ZFHX3: variants seen among roughly 807,000 people sequenced by gnomAD.
The protein encoded by ZFHX3 is zinc finger homeobox 3, also known as zinc finger homeobox protein 3.
ZFHX3 carries 42 observed loss-of-function variants against 279.1 expected under a neutral mutation model. The ratio of observed to expected loss-of-function variants is 0.15; its 90% CI spans 0.12 to 0.19. The LOEUF (loss-of-function observed/expected upper bound fraction) is 0.19. Ranked by LOEUF, ZFHX3 falls within the 10% of genes least tolerant of loss-of-function variation. The pLI, the probability that ZFHX3 is intolerant of heterozygous loss-of-function variation, is 1.00. For synonymous variants in ZFHX3, 2,293 were observed against 1,957.8 expected (o/e 1.17, Z -4.52); for missense variants, 4,981 against 4,754.0 (o/e 1.05, Z -1.40).
chr16:73,654,854 C>CTTTTTTTTT (rs1382941693), intron 2 of ZFHX3, among the ~76,000 whole-genome samples: 2 of 64,124 alleles, frequency 3.1e-5, no homozygotes, highest in African/African-American at 7.0e-5. Flanking sequence ...ATAGTAATCA[C>CTTTTTTTTT]TTTTTTTTTT....
chr16:73,335,771 C>G (rs2015900824), intron 3 of ZFHX3, among the ~76,000 whole-genome samples: 1 of 152,176 alleles, frequency 6.6e-6, no homozygotes, highest in Admixed American at 6.5e-5. Flanking sequence ...CACAGAGTCC[C>G]ACTGCCTTCA....
At chr16:73,264,969 T>C (rs2013927777) in intron 4 of ZFHX3, among the ~76,000 whole-genome samples, 1 of 150,874 alleles carries the variant, frequency 6.6e-6, no homozygotes, top group South Asian at 2.1e-4. Flanking sequence ...TGTGTATATA[T>C]GTGTATATAT....
At chr16:73,682,656 A>G (rs529927438) in intron 1 of ZFHX3, among the ~76,000 whole-genome samples, 1 of 151,746 alleles carries the variant, frequency 6.6e-6, no homozygotes, top group African/African-American at 2.4e-5. Flanking sequence ...TCATGGTGGC[A>G]TGCACCTGTA....
chr16:73,338,576 C>T (rs1480136414), intron 3 of ZFHX3, among the ~76,000 whole-genome samples: 2 of 152,064 alleles, frequency 1.3e-5, no homozygotes, highest in African/African-American at 4.8e-5. Flanking sequence ...GAAATATGAT[C>T]GATTCGATGG....
At chr16:72,880,985 A>G (rs2144023731) in intron 4 of ZFHX3, among the ~76,000 whole-genome samples, 1 of 152,382 alleles carries the variant, frequency 6.6e-6, no homozygotes, top group Non-Finnish European at 1.5e-5. Context: ...GAGAAAGATC[A>G]GCAAGAAAAG....
chr16:73,685,165 C>G (rs112687499), intron 1 of ZFHX3, among the ~76,000 whole-genome samples: 10 of 151,796 alleles, frequency 6.6e-5, no homozygotes, highest in African/African-American at 2.4e-4. Context: ...CAGTTGCATG[C>G]CACCACGCCC....
intron 3 of ZFHX3, among the ~76,000 whole-genome samples, chr16:73,383,511 G>C (rs1045217502): frequency 3.9e-5 from 6 of 152,344 alleles, no homozygotes; most frequent in African/African-American, 1.2e-4. Context: ...AGCTGCCGGG[G>C]AGAGGCAGCG....
At chr16:73,021,857 A>T (rs887753592) in intron 1 of ZFHX3, among the ~76,000 whole-genome samples, 3 of 147,184 alleles carry the variant, frequency 2.0e-5, no homozygotes, top group African/African-American at 7.5e-5. Context: ...AAAAAAATCA[A>T]TGACTGGTAC....
intron 1 of ZFHX3, among the ~76,000 whole-genome samples, chr16:73,864,576 G>C (rs1421636738): frequency 6.6e-6 from 1 of 152,062 alleles, no homozygotes; most frequent in Non-Finnish European, 1.5e-5. Context: ...AAAATTAGCT[G>C]GGCATCGTGG....
chr16:73,022,915 G>C (rs1369511570), intron 1 of ZFHX3, among the ~76,000 whole-genome samples: 1 of 151,990 alleles, frequency 6.6e-6, no homozygotes, highest in African/African-American at 2.4e-5. Context: ...ATTTTTCTGT[G>C]AAATGTGCCC....
chr16:73,365,173 C>T (rs926557789), intron 3 of ZFHX3, among the ~76,000 whole-genome samples: 3 of 152,210 alleles, frequency 2.0e-5, no homozygotes, highest in African/African-American at 4.8e-5. Context: ...GAGAGACCTC[C>T]GGTACTTGGC....
At chr16:73,585,402 G>A (rs2004984) in intron 2 of ZFHX3, among the ~76,000 whole-genome samples, 74,142 of 152,082 alleles carry the variant, frequency 0.49, 20,575 homozygotes, top group East Asian at 0.78. Context: ...CCAACAGAGC[G>A]AGACACCATC....
intron 1 of ZFHX3, among the ~76,000 whole-genome samples, chr16:73,856,030 G>C (rs1961718822): frequency 6.6e-6 from 1 of 152,112 alleles, no homozygotes; most frequent in African/African-American, 2.4e-5. Flanking sequence ...AAAAAAATCA[G>C]GTCATAAACA....
chr16:73,248,645 A>ATGTGTGTG (rs145260850), intron 5 of ZFHX3, among the ~76,000 whole-genome samples: 283 of 149,114 alleles, frequency 1.9e-3, no homozygotes, highest in African/African-American at 6.1e-3. Context: ...TGGAGAATGT[A>ATGTGTGTG]TGTGTGTGTG....
At chr16:73,630,722 T>C (rs1174379701) in intron 2 of ZFHX3, among the ~76,000 whole-genome samples, 1 of 152,202 alleles carries the variant, frequency 6.6e-6, no homozygotes, top group African/African-American at 2.4e-5. Context: ...ACTCATAAAC[T>C]GGCAGAGAAA....
intron 3 of ZFHX3, among the ~76,000 whole-genome samples, chr16:73,432,598 G>A (rs55958101): frequency 0.13 from 20,440 of 152,176 alleles, 1,418 homozygotes; most frequent in East Asian, 0.2. Context: ...TGCAAGAGCT[G>A]TTGTTTGTCA....
chr16:73,146,205 G>A (rs1966862249), intron 5 of ZFHX3, among the ~76,000 whole-genome samples: 1 of 152,040 alleles, frequency 6.6e-6, no homozygotes, highest in Non-Finnish European at 1.5e-5. Context: ...TGAGATGGGC[G>A]GATCACAAGG....
At chr16:73,371,406 A>G (rs2016626789) in intron 3 of ZFHX3, among the ~76,000 whole-genome samples, 1 of 151,872 alleles carries the variant, frequency 6.6e-6, no homozygotes, top group Non-Finnish European at 1.5e-5. Context: ...ATTTTTTGAG[A>G]CAGAGTCTCG....
chr16:72,824,459 C>G (rs1479488369), intron 5 of ZFHX3, among the ~76,000 whole-genome samples: 1 of 152,190 alleles, frequency 6.6e-6, no homozygotes, highest in Non-Finnish European at 1.5e-5. Context: ...AACTACCATT[C>G]TAACTCAAAA....
Sources: allele counts gnomAD v4.1 joint callset (sites outside exome capture counted in the v4.1 genomes callset), GRCh38; gene constraint gnomAD v4.1.1; transcripts MANE v1.5; gene names NCBI Gene and HGNC (gene_info 2026-07-23, HGNC 2026-07-21).